Variants in PKP1 observed in about 807,000 individuals in gnomAD.
The protein encoded by PKP1 is plakophilin 1, also known as plakophilin-1.
Under a neutral mutation model 76.4 loss-of-function variants are expected in PKP1, and 27 were observed. That is an observed-to-expected ratio of 0.35 (90% CI 0.26 to 0.49). The LOEUF (loss-of-function observed/expected upper bound fraction) is 0.49, where lower values mean the gene tolerates loss of function less well. Ranked by LOEUF, PKP1 falls within the 20% of genes least tolerant of loss-of-function variation. PKP1 has a pLI of 0.99. For synonymous variants in PKP1, 404 were observed against 384.2 expected, an observed-to-expected ratio of 1.05 and a Z score of -0.60; for missense variants, 964 against 955.2, an observed-to-expected ratio of 1.01 and a Z score of -0.12.
Position 201,332,027 on chromosome 1 carries a change from C to G in PKP1, c.*1986C>G, listed in dbSNP as rs1270421241. The G allele has an allele frequency of 6.6e-6, 1 of 152,282 alleles. No individual in the cohort carries two copies. The highest frequency in any genetic ancestry group is 1.5e-5 in the Non-Finnish European group (1 of 68,096). The allele number at this position is 152,282 out of a possible 1,614,324, so 9.4% of individuals were successfully genotyped here. ...AGTGTCCTAAGCACTTAGACTACAT[C>G]AGGGAAGAACACAGACCACATCCCT... On this transcript the variant is annotated 3_prime_UTR_variant, in exon 14 of 14. Transcript: ENST00000367324.
At chr1:201,296,885 C>T (rs1018779507) in intron 2 of PKP1, among the ~76,000 whole-genome samples, 18 of 152,290 alleles carry the variant, frequency 1.2e-4, no homozygotes, top group East Asian at 5.8e-4. Context: ...CTTGGAGCAC[C>T]TCACTCCTCA....
At chr1:201,321,918 A>G in intron 7 of PKP1, 60 bp from the exon 8 acceptor site, 2 of 1,598,520 alleles carry the variant, frequency 1.3e-6, no homozygotes, top group Non-Finnish European at 1.7e-6. Context: ...GGTAGGTGGT[A>G]GGCCAGGAGC....
rs368398439 is a variant in PKP1, at chr1:201,317,754, C to A, written c.1029C>A (p.Asn343Lys). 139 of 1,613,578 alleles carry A rather than the reference C, an allele frequency of 8.6e-5. No individual in the cohort carries two copies. Among genetic ancestry groups the A allele is most frequent in the Non-Finnish European group, 1.1e-4 (133 of 1,179,882 alleles). ...EAVSLLRRTGNAEIQKQLTGL... is the reference protein window; with the variant it reads ...EAVSLLRRTGKAEIQKQLTGL... Reference sequence around the variant, plus strand: ...TCAGCCTCCTGAGGAGAACCGGGAACGCCGAGATCCAGAAGCAGCTGACTG... The same window carrying A: ...TCAGCCTCCTGAGGAGAACCGGGAAAGCCGAGATCCAGAAGCAGCTGACTG... Residue 343 changes from asparagine to lysine, a missense_variant, in exon 5 of 14, where the codon AAC becomes AAA. By Grantham distance (94) the Asn-to-Lys change is moderately conservative. Coordinates refer to ENST00000367324, the MANE Select transcript of PKP1 (RefSeq NM_001005337.3).
At chr1:201,320,065 C>T in intron 6 of PKP1, 1 of 715,656 alleles carries the variant, frequency 1.4e-6, no homozygotes. Context: ...CTTTTCCTCT[C>T]TTCATTCCTT....
At position 201,313,512 on chromosome 1, in the gene PKP1, T is replaced by A. The variant is rs1434430638; in HGVS notation, c.653T>A (p.Ile218Asn). 1 of 1,613,926 alleles carries A rather than the reference T, an allele frequency of 6.2e-7. No homozygotes were observed. Among genetic ancestry groups the A allele is most frequent in the South Asian group, 1.1e-5 (1 of 91,026 alleles). The stretch of plus-strand genomic sequence containing the variant: ...CAGGACCCTGTGTATATCCCGCCCA[T>A]CTCCTGCAACAAGGACCTGTCCTTT... ...SKQDPVYIPP[I>N]SCNKDLSFGH... The change falls in exon 3 of 14, where the codon ATC becomes AAC. Residue 218 changes from isoleucine to asparagine, a missense_variant. Ile to Asn is a moderately radical substitution (Grantham distance 149). Coordinates refer to ENST00000367324, the MANE Select transcript of PKP1 (RefSeq NM_001005337.3).
At chr1:201,321,359 C>T (rs951798638) in intron 7 of PKP1, among the ~76,000 whole-genome samples, 1 of 152,198 alleles carries the variant, frequency 6.6e-6, no homozygotes, top group Non-Finnish European at 1.5e-5. Context: ...CCCCCAAACC[C>T]TAGTCCTTTG....
At chr1:201,313,067 T>C in intron 2 of PKP1, 99 bp from the exon 3 acceptor site, 1 of 1,257,360 alleles carries the variant, frequency 8.0e-7, no homozygotes, top group Non-Finnish European at 1.1e-6. Context: ...TCTGTAAGCG[T>C]TATTATGGGG....
At chr1:201,315,519 G>A (rs1372901649) in intron 3 of PKP1, among the ~76,000 whole-genome samples, 3 of 152,210 alleles carry the variant, frequency 2.0e-5, no homozygotes, top group African/African-American at 7.2e-5. Flanking sequence ...CCCTAGGAAG[G>A]CTTCACAGAT....
chr1:201,316,794 T>C (rs1656765509), intron 4 of PKP1, 97 bp downstream of exon 4: 4 of 1,326,962 alleles, frequency 3.0e-6, no homozygotes, highest in Non-Finnish European at 4.3e-6. Context: ...GCATCTGCAG[T>C]TGGCTTCTCT....
chr1:201,317,753 A>G lies in PKP1; in HGVS notation c.1028A>G (p.Asn343Ser). 1.2e-6 allele frequency: 2 copies of G among 1,613,584 alleles called. No homozygotes were observed. The highest frequency in any genetic ancestry group is 1.7e-6 in the Non-Finnish European group (2 of 1,179,794). Residue 343 changes from asparagine to serine, a missense_variant, in exon 5 of 14, where the codon AAC (asparagine) becomes AGC (serine). By Grantham distance (46) the Asn-to-Ser change is conservative (BLOSUM62 1). Transcript: ENST00000367324. ...EAVSLLRRTG[N>S]AEIQKQLTGL... ...GTCAGCCTCCTGAGGAGAACCGGGA[A>G]CGCCGAGATCCAGAAGCAGCTGACT...
At chr1:201,322,283 G>T in intron 8 of PKP1, 150 bp downstream of exon 8, 1 of 787,432 alleles carries the variant, frequency 1.3e-6, no homozygotes, top group Non-Finnish European at 2.0e-6. Context: ...TGGGGCTCAG[G>T]GTGCACTCTG....
Position 201,331,862 on chromosome 1 carries a change from T to TC in PKP1, c.*1824dup, listed in dbSNP as rs1657334547. The TC allele has an allele frequency of 6.6e-6, 1 of 152,338 alleles. No individual in the cohort carries two copies. Among genetic ancestry groups the TC allele is most frequent in the African/African-American group, 2.4e-5 (1 of 41,450 alleles). 9.4% of individuals were successfully genotyped at this position (152,338 alleles called of 1,614,324 possible). A position where few individuals can be genotyped will look rare whatever the true frequency, so the allele number is the denominator to read the frequency against. ...GGGAGGCCCACTCCTGGCTCACCTCTCCCTCTCAGGGACCCACGTGGGAGC... is the reference window on the plus strand; with the variant it reads ...GGGAGGCCCACTCCTGGCTCACCTCTCCCCTCTCAGGGACCCACGTGGGAGC... On this transcript the variant is annotated 3_prime_UTR_variant, in exon 14 of 14. Transcript: ENST00000367324.
chr1:201,322,936 G>A (rs772322437), intron 8 of PKP1, 77 bp from the exon 9 acceptor site: 20 of 1,464,986 alleles, frequency 1.4e-5, no homozygotes, highest in Non-Finnish European at 1.9e-5. Flanking sequence ...AGGCTGGGGG[G>A]ATGGGGACAG....
chr1:201,292,506 C>A (rs1167223846), intron 1 of PKP1, among the ~76,000 whole-genome samples: 1 of 152,164 alleles, frequency 6.6e-6, no homozygotes, highest in Non-Finnish European at 1.5e-5. Flanking sequence ...TGGGTGGTGA[C>A]CTGGCGCTGG....
intron 2 of PKP1, among the ~76,000 whole-genome samples, chr1:201,305,176 C>T (rs1264820700): frequency 6.6e-6 from 1 of 152,166 alleles, no homozygotes; most frequent in Non-Finnish European, 1.5e-5. Context: ...AGATCTCTTA[C>T]CCAAGCACTG....
intron 1 of PKP1, among the ~76,000 whole-genome samples, chr1:201,289,201 C>T (rs976204319): frequency 6.6e-6 from 1 of 152,234 alleles, no homozygotes; most frequent in African/African-American, 2.4e-5. Context: ...TGAGGGTATT[C>T]TCTCAGCAGT....
At chr1:201,325,865 C>G (rs1291152800) in intron 12 of PKP1, 27 bp downstream of exon 12, 8 of 1,561,392 alleles carry the variant, frequency 5.1e-6, no homozygotes. Context: ...TCATCCTCTT[C>G]TGAGGTTCTT....
At chr1:201,288,979 A>G (rs1427916042) in intron 1 of PKP1, among the ~76,000 whole-genome samples, 23 of 152,212 alleles carry the variant, frequency 1.5e-4, no homozygotes, top group East Asian at 5.8e-4. Context: ...ACACCCAGGA[A>G]AAGGTCAAGA....
chr1:201,322,007 C>T lies in PKP1; in HGVS notation c.1377C>T (p.His459=), dbSNP rs1656956711. The T allele has an allele frequency of 6.2e-7, 1 of 1,614,168 alleles. No individual in the cohort carries two copies. The highest frequency in any genetic ancestry group is 8.5e-7 in the Non-Finnish European group (1 of 1,180,030). The change falls in exon 8 of 14, where the codon CAC becomes CAT. Residue 459 remains histidine, a synonymous_variant. Transcript: ENST00000367324. ...KSVENCMCVL[H]NLSYRLDAEV... is the part of the protein sequence containing the mutation. ...TGGAAAACTGCATGTGTGTTCTGCA[C>T]AACCTCTCCTACCGCCTGGACGCCG...
Sources: gnomAD v4.1 joint callset for allele counts (sites outside exome capture counted in the v4.1 genomes callset) on GRCh38, gnomAD v4.1.1 for gene constraint, MANE v1.5 for transcripts, NCBI Gene and HGNC (gene_info 2026-07-23, HGNC 2026-07-21) for gene names.